NCAM2: variants seen among roughly 807,000 people sequenced by gnomAD.
The protein encoded by NCAM2 is neural cell adhesion molecule 2.
NCAM2 carries 30 observed loss-of-function variants against 98.1 expected under a neutral mutation model. That is an observed-to-expected ratio of 0.31 (90% confidence interval 0.23 to 0.41). The LOEUF is 0.41. Among genes scored for constraint, NCAM2 ranks in the 10% least tolerant of loss-of-function variants. NCAM2 has a pLI of 1.00. For synonymous variants in NCAM2, 368 were observed against 342.4 expected (o/e 1.07, Z -0.83); for missense variants, 867 against 1,005.8 (o/e 0.86, Z 1.87).
At chr21:21,074,264 T>A (rs2146376957) in intron 1 of NCAM2, among the ~76,000 whole-genome samples, 1 of 152,112 alleles carries the variant, frequency 6.6e-6, no homozygotes, top group African/African-American at 2.4e-5. Context: ...TTTAAACGAT[T>A]TTGATGAATA....
intron 5 of NCAM2, among the ~76,000 whole-genome samples, chr21:21,305,701 G>GT (rs1306254884): frequency 6.6e-6 from 1 of 151,992 alleles, no homozygotes; most frequent in Admixed American, 6.6e-5. Flanking sequence ...ACAGCTTTTG[G>GT]TTTTTCTTGA....
intron 8 of NCAM2, among the ~76,000 whole-genome samples, chr21:21,345,626 T>C (rs1008211881): frequency 2.0e-5 from 3 of 151,684 alleles, no homozygotes; most frequent in Admixed American, 6.6e-5. Flanking sequence ...ATCTAGAAAA[T>C]AGCCTCAAAA....
intron 9 of NCAM2, among the ~76,000 whole-genome samples, chr21:21,402,973 G>A (rs1164988670): frequency 2.6e-5 from 4 of 151,850 alleles, no homozygotes; most frequent in African/African-American, 4.8e-5. Flanking sequence ...TTACCTTCTG[G>A]GTTTTTTGTA....
chr21:21,311,632 C>T (rs2408074), intron 5 of NCAM2, among the ~76,000 whole-genome samples: 2,823 of 152,168 alleles, frequency 0.019, 92 homozygotes, highest in East Asian at 0.15. Context: ...TGATCCACTG[C>T]GCCCGGCCCA....
intron 8 of NCAM2, among the ~76,000 whole-genome samples, chr21:21,366,316 A>C (rs1179296990): frequency 6.6e-6 from 1 of 152,080 alleles, no homozygotes; most frequent in South Asian, 2.1e-4. Flanking sequence ...TTAAAAAAAC[A>C]ACCTCTCATT....
At chr21:21,363,292 C>A (rs917633518) in intron 8 of NCAM2, among the ~76,000 whole-genome samples, 2 of 152,072 alleles carry the variant, frequency 1.3e-5, no homozygotes, top group African/African-American at 2.4e-5. Context: ...CTACCTCTTT[C>A]TATGTTACTG....
At chr21:21,029,486 T>G (rs2064626867) in intron 1 of NCAM2, among the ~76,000 whole-genome samples, 1 of 152,030 alleles carries the variant, frequency 6.6e-6, no homozygotes, top group African/African-American at 2.4e-5. Flanking sequence ...TGGAGACAAA[T>G]TTAGGAGCAG....
chr21:21,106,949 A>G lies in NCAM2; in HGVS notation c.55+108331A>G, dbSNP rs188243789. ...TCTCCCACTGAATTTTAGTTTATTC[A>G]AAGTATGAGGTACTTGTGATAAGAA... is the stretch of plus-strand genomic sequence containing the variant. On this transcript the variant is annotated intron_variant, in intron 1 of 17. Transcript: ENST00000400546. Among the ~76,000 whole-genome samples, 12 of 152,252 alleles carry G rather than the reference A, an allele frequency of 7.9e-5. No individual in the cohort carries two copies. In the East Asian group the frequency reaches 2.3e-3, roughly 29 times the overall value.
At chr21:21,289,570 C>T (rs766426836) in intron 4 of NCAM2, among the ~76,000 whole-genome samples, 21 of 151,846 alleles carry the variant, frequency 1.4e-4, no homozygotes, top group Non-Finnish European at 1.9e-4. Context: ...AGGTGAAAAG[C>T]AGCATGAAAG....
intron 1 of NCAM2, among the ~76,000 whole-genome samples, chr21:21,157,872 C>A (rs181497852): frequency 2.1e-3 from 317 of 152,160 alleles, no homozygotes; most frequent in African/African-American, 7.4e-3. Context: ...TTGGAAAGTT[C>A]TTTCTCCAGT....
chr21:21,381,260 T>C (rs1407990880), intron 9 of NCAM2, among the ~76,000 whole-genome samples: 1 of 152,178 alleles, frequency 6.6e-6, no homozygotes, highest in Admixed American at 6.5e-5. Context: ...GAGTCACATA[T>C]AAAAGAAGCC....
chr21:21,472,242 G>C (rs1044728437), intron 14 of NCAM2, among the ~76,000 whole-genome samples: 12 of 151,912 alleles, frequency 7.9e-5, no homozygotes, highest in African/African-American at 2.9e-4. Flanking sequence ...AAGTACTATA[G>C]GGACTAGCAT....
intron 2 of NCAM2, among the ~76,000 whole-genome samples, chr21:21,281,995 C>T (rs1388592189): frequency 2.0e-5 from 3 of 151,634 alleles, no homozygotes; most frequent in South Asian, 2.1e-4. Flanking sequence ...TATACATTTT[C>T]CTTCTTAAAG....
chr21:21,137,020 A>C (rs945202544), intron 1 of NCAM2, among the ~76,000 whole-genome samples: 2 of 151,930 alleles, frequency 1.3e-5, no homozygotes, highest in Non-Finnish European at 2.9e-5. Context: ...TTCTGGTTAC[A>C]ATTTTTAGTA....
intron 5 of NCAM2, among the ~76,000 whole-genome samples, chr21:21,296,461 T>C (rs1175444577): frequency 6.6e-6 from 1 of 151,780 alleles, no homozygotes; most frequent in African/African-American, 2.4e-5. Context: ...GATTGAAATA[T>C]ACTGTTTTTT....
intron 11 of NCAM2, among the ~76,000 whole-genome samples, chr21:21,429,141 A>T (rs2077275863): frequency 6.6e-6 from 1 of 152,134 alleles, no homozygotes; most frequent in African/African-American, 2.4e-5. Flanking sequence ...AAATAATATG[A>T]AAAAAAGGCT....
intron 12 of NCAM2, among the ~76,000 whole-genome samples, chr21:21,447,446 C>G (rs922085760): frequency 6.6e-6 from 1 of 152,024 alleles, no homozygotes; most frequent in East Asian, 1.9e-4. Context: ...CCATGAAAAC[C>G]CTAGAAGAAA....
chr21:21,439,129 T>TTA lies in NCAM2; in HGVS notation c.1654+6849_1654+6850insAT, dbSNP rs1215978407. 3.0e-3 allele frequency among the ~76,000 whole-genome samples: 451 copies of TTA among 151,948 alleles called. 5 individuals carry two copies. The highest frequency in any genetic ancestry group is 0.01 in the African/African-American group (429 of 41,468). On this transcript the variant is annotated intron_variant, in intron 12 of 17. Transcript: ENST00000400546. ...AAAATAAGTAAGTACTTCCTTTTTT[T>TTA]TTTTTTGATACAGAGTCTTGCTCTG...
chr21:21,333,964 A>T (rs556349427), intron 6 of NCAM2, among the ~76,000 whole-genome samples: 29 of 149,654 alleles, frequency 1.9e-4, no homozygotes, highest in East Asian at 5.9e-4. Context: ...ATTTATTATT[A>T]TTTTTTTTTT....
Sources: allele counts gnomAD v4.1 joint callset (sites outside exome capture counted in the v4.1 genomes callset), GRCh38; gene constraint gnomAD v4.1.1; transcripts MANE v1.5; gene names NCBI Gene and HGNC (gene_info 2026-07-23, HGNC 2026-07-21).